RAD50: variants seen among roughly 807,000 people sequenced by gnomAD.
The protein encoded by RAD50 is DNA repair protein RAD50.
RAD50 carries 132 observed loss-of-function variants against 168.8 expected under a neutral mutation model. That is an observed-to-expected ratio of 0.78 (90% CI 0.68 to 0.90). The LOEUF is 0.90. Among genes scored for constraint, RAD50 ranks in the 40% least tolerant of loss-of-function variants. The pLI is 0.00. For synonymous variants in RAD50, 525 were observed against 497.4 expected, an observed-to-expected ratio of 1.06 and a Z score of -0.74; for missense variants, 1,347 against 1,534.4, an observed-to-expected ratio of 0.88 and a Z score of 2.04.
intron 11 of RAD50, chr5:132,593,432 A>G (rs920952567): frequency 2.0e-5 from 3 of 152,310 alleles, no homozygotes; most frequent in African/African-American, 7.2e-5. Flanking sequence ...CATATTTTGC[A>G]AATTAAGTAA....
At chr5:132,611,042 T>C (rs1751074103) in intron 19 of RAD50, among the ~76,000 whole-genome samples, 1 of 151,982 alleles carries the variant, frequency 6.6e-6, no homozygotes, top group Non-Finnish European at 1.5e-5. Flanking sequence ...AGGAGAGAAG[T>C]GTATAAAAAG....
chr5:132,617,506 C>G (rs1751198565), intron 20 of RAD50, among the ~76,000 whole-genome samples: 1 of 151,956 alleles, frequency 6.6e-6, no homozygotes, highest in African/African-American at 2.4e-5. Context: ...TATAATCTGC[C>G]AAAATATCAG....
chr5:132,612,554 G>A (rs370877166), intron 19 of RAD50, among the ~76,000 whole-genome samples: 19 of 152,280 alleles, frequency 1.2e-4, no homozygotes, highest in African/African-American at 4.6e-4. Flanking sequence ...ACATGTGTTG[G>A]CCGGGCACAG....
intron 2 of RAD50, among the ~76,000 whole-genome samples, chr5:132,565,999 C>T (rs1053217973): frequency 3.3e-5 from 5 of 152,162 alleles, no homozygotes; most frequent in East Asian, 1.9e-4. Context: ...TGAACACGCA[C>T]CTTCTTCTGC....
intron 22 of RAD50, among the ~76,000 whole-genome samples, chr5:132,637,781 A>G (rs1016563478): frequency 2.0e-5 from 3 of 152,088 alleles, no homozygotes; most frequent in Non-Finnish European, 2.9e-5. Context: ...TGATCTGCCC[A>G]CCTTGGCCTC....
chr5:132,607,322 T>G (rs1751002179), intron 16 of RAD50, among the ~76,000 whole-genome samples: 1 of 152,160 alleles, frequency 6.6e-6, no homozygotes, highest in Non-Finnish European at 1.5e-5. Context: ...TAGCACTCTT[T>G]CCATTTGATT....
intron 5 of RAD50, among the ~76,000 whole-genome samples, chr5:132,584,313 A>G (rs1242286604): frequency 6.6e-6 from 1 of 152,142 alleles, no homozygotes; most frequent in African/African-American, 2.4e-5. Flanking sequence ...TCTTCTTTTG[A>G]GAAGTGTCTG....
At chr5:132,607,583 TATAAA>T (rs1182666153) in intron 16 of RAD50, among the ~76,000 whole-genome samples, 4 of 152,202 alleles carry the variant, frequency 2.6e-5, no homozygotes, top group East Asian at 3.8e-4. Context: ...CAGAATATAA[TATAAA>T]ATAGTACTTG....
intron 13 of RAD50, among the ~76,000 whole-genome samples, chr5:132,596,218 C>T (rs780331767): frequency 1.3e-4 from 17 of 131,372 alleles, no homozygotes; most frequent in Admixed American, 3.5e-4. Flanking sequence ...TAATCTCGAG[C>T]TCCTGGCCTC....
At position 132,636,731 on chromosome 5, in the gene RAD50, C is replaced by T. The variant is rs112008831; in HGVS notation, c.3390-384C>T. On this transcript the variant is annotated intron_variant, in intron 21 of 24. Coordinates refer to ENST00000378823, the MANE Select transcript of RAD50 (RefSeq NM_005732.4). ...CCATTCAGCAGGCCTTCCTGTGACC[C>T]GTGAGTATCAGTGGAAGCATTCCCT... 7.1e-3 allele frequency among the ~76,000 whole-genome samples: 1,087 copies of T among 152,246 alleles called. 16 individuals carry two copies. The highest frequency in any genetic ancestry group is 0.024 in the African/African-American group (994 of 41,546).
chr5:132,634,848 A>G (rs576588824), intron 21 of RAD50, among the ~76,000 whole-genome samples: 1 of 152,268 alleles, frequency 6.6e-6, no homozygotes, highest in African/African-American at 2.4e-5. Context: ...TATTAGTTGA[A>G]TTATTTTCCC....
At chr5:132,598,972 C>A (rs147346745) in intron 13 of RAD50, among the ~76,000 whole-genome samples, 94 of 152,184 alleles carry the variant, frequency 6.2e-4, no homozygotes, top group African/African-American at 2.2e-3. Flanking sequence ...CTGCCTAACC[C>A]TATATCTGCA....
At chr5:132,563,106 C>G (rs1332825207) in intron 2 of RAD50, among the ~76,000 whole-genome samples, 3 of 152,204 alleles carry the variant, frequency 2.0e-5, no homozygotes, top group African/African-American at 7.2e-5. Context: ...TAAGTGGACA[C>G]AGACATAGGA....
chr5:132,638,382 T>C, intron 23 of RAD50, 159 bp downstream of exon 23: 3 of 837,078 alleles, frequency 3.6e-6, no homozygotes, highest in South Asian at 1.5e-5. Context: ...TATTACACTC[T>C]CCTGAAGCTA....
chr5:132,643,406 T>C lies in RAD50; in HGVS notation c.*1042T>C, dbSNP rs549298415. On this transcript the variant is annotated 3_prime_UTR_variant, in exon 25 of 25. Transcript: ENST00000378823. ...AACCAAGTCACACGCTTTTGAATTATGCTTTGTAGAGTTTTGTCATTCAGA... is the reference window on the plus strand; with the variant it reads ...AACCAAGTCACACGCTTTTGAATTACGCTTTGTAGAGTTTTGTCATTCAGA... 12 of 235,044 alleles carry C rather than the reference T, an allele frequency of 5.1e-5. No homozygotes were observed. The highest frequency in any genetic ancestry group is 1.5e-4 in the Admixed American group (3 of 19,666). 14.6% of individuals were successfully genotyped at this position (235,044 alleles called of 1,614,324 possible).
At chr5:132,621,312 T>C (rs1386904532) in intron 21 of RAD50, among the ~76,000 whole-genome samples, 2 of 152,182 alleles carry the variant, frequency 1.3e-5, no homozygotes, top group East Asian at 3.8e-4. Context: ...TTAAAAACCA[T>C]AGCTTTAATG....
intron 20 of RAD50, among the ~76,000 whole-genome samples, chr5:132,617,529 A>G (rs944804183): frequency 6.6e-6 from 1 of 152,172 alleles, no homozygotes; most frequent in Non-Finnish European, 1.5e-5. Context: ...AAGTTTGAAT[A>G]TTTTACTTTT....
chr5:132,601,646 T>TA (rs1169228134), intron 13 of RAD50, among the ~76,000 whole-genome samples: 6 of 151,506 alleles, frequency 4.0e-5, no homozygotes, highest in African/African-American at 1.2e-4. Context: ...TTCTGTGGTA[T>TA]AAAAAAAAAC....
chr5:132,625,537 C>A (rs1213728222), intron 21 of RAD50, among the ~76,000 whole-genome samples: 6 of 152,132 alleles, frequency 3.9e-5, no homozygotes, highest in Admixed American at 3.9e-4. Flanking sequence ...AAGCATTTAT[C>A]CTTCCTTTTG....
Sources: allele counts gnomAD v4.1 joint callset (sites outside exome capture counted in the v4.1 genomes callset), GRCh38; gene constraint gnomAD v4.1.1; transcripts MANE v1.5; gene names NCBI Gene and HGNC (gene_info 2026-07-23, HGNC 2026-07-21).